Variants in CDON observed in about 807,000 individuals in gnomAD.
The protein encoded by CDON is cell adhesion molecule-related/down-regulated by oncogenes.
A neutral mutation model predicts 120.9 loss-of-function variants in CDON; 73 were observed. The observed-to-expected ratio is 0.60, with a 90% CI of 0.50 to 0.73. The LOEUF (loss-of-function observed/expected upper bound fraction) is 0.73. Ranked by LOEUF, CDON falls within the 30% of genes least tolerant of loss-of-function variation. The pLI is 0.00. For missense variants in CDON, 1,470 were observed against 1,587.3 expected (o/e 0.93, Z 1.26); for synonymous variants, 566 against 573.5 (o/e 0.99, Z 0.19).
intron 1 of CDON, among the ~76,000 whole-genome samples, chr11:126,040,244 A>G (rs1948219468): frequency 6.6e-6 from 1 of 152,186 alleles, no homozygotes; most frequent in South Asian, 2.1e-4. Context: ...TCTAAAAAAT[A>G]ACTTTTTAAA....
intron 10 of CDON, 64 bp from the exon 11 acceptor site, chr11:126,001,914 G>C: frequency 7.9e-7 from 1 of 1,265,182 alleles, no homozygotes; most frequent in East Asian, 2.3e-5. Context: ...GGAAAAAAAA[G>C]AGTACTGTGA....
chr11:126,051,146 G>A (rs1251233212), intron 1 of CDON, among the ~76,000 whole-genome samples: 2 of 152,090 alleles, frequency 1.3e-5, no homozygotes, highest in Non-Finnish European at 2.9e-5. Context: ...GAGATGTGGT[G>A]GCTGCTGCTC....
chr11:125,963,508 TAA>T, intron 18 of CDON, among the ~76,000 whole-genome samples: 1 of 152,290 alleles, frequency 6.6e-6, no homozygotes, highest in East Asian at 1.9e-4. Flanking sequence ...GAAAAATCAG[TAA>T]AAGTCTAATC....
intron 8 of CDON, 109 bp from the exon 9 acceptor site, chr11:126,006,166 C>A (rs1947124302): frequency 3.0e-6 from 3 of 999,424 alleles, no homozygotes. Flanking sequence ...CAATTTGAGC[C>A]CCAGAAGTTA....
intron 7 of CDON, among the ~76,000 whole-genome samples, chr11:126,011,607 T>C (rs1433636885): frequency 1.3e-5 from 2 of 152,236 alleles, no homozygotes; most frequent in African/African-American, 4.8e-5. Context: ...GTTCTCTGTA[T>C]ATACTAGATT....
intron 1 of CDON, among the ~76,000 whole-genome samples, chr11:126,061,711 A>G (rs1221479545): frequency 6.6e-6 from 1 of 152,206 alleles, no homozygotes; most frequent in African/African-American, 2.4e-5. Flanking sequence ...CTGTTTTTCA[A>G]GGTGTCTGGT....
rs555336512 is a variant in CDON, at chr11:125,978,346, G to A, written c.3314C>T (p.Pro1105Leu). The A allele has an allele frequency of 3.1e-6, 5 of 1,609,908 alleles. No homozygotes were observed. The African/African-American group carries it at 5.3e-5, about 17-fold the overall frequency. Residue 1105 changes from proline (P) to leucine (L), a missense_variant, in exon 18 of 20, where the codon CCT (proline) becomes CTT (leucine). Coordinates refer to ENST00000531738, the MANE Select transcript of CDON (RefSeq NM_001378964.1). ...ATTTCGGCAGTTAACACACTCCAGA[G>A]GGTCAATCTGAGGCACGGCCGTGTA... is the stretch of plus-strand genomic sequence containing the variant. ...GMYTAVPQID[P>L]LECVNCRNCR... is the part of the protein sequence containing the mutation.
intron 18 of CDON, among the ~76,000 whole-genome samples, chr11:125,966,962 T>C (rs892645534): frequency 1.6e-4 from 25 of 151,916 alleles, no homozygotes; most frequent in African/African-American, 5.3e-4. Context: ...CCTTCAGTCT[T>C]GTACTGTAAG....
intron 1 of CDON, among the ~76,000 whole-genome samples, chr11:126,026,672 C>T (rs867316496): frequency 2.4e-4 from 37 of 152,270 alleles, no homozygotes; most frequent in Middle Eastern, 3.4e-3. Flanking sequence ...TTGCTGACCT[C>T]CTTTAAAAAG....
chr11:126,017,119 TA>T lies in CDON; in HGVS notation c.896del (p.Val299GlufsTer4). On this transcript the variant is annotated frameshift_variant, in exon 6 of 20. Coordinates refer to ENST00000531738, the MANE Select transcript of CDON (RefSeq NM_001378964.1). LOFTEE classifies it high-confidence loss of function. ...SCMAGNKSGD[V>X]KYVTYMVNVL... ...CATTAACCATGTAAGTCACATATTT[TA>T]CATCTCCAGACTTGTTTCCCGCCAT... 1.2e-6 allele frequency: 2 copies of T among 1,614,198 alleles called. No homozygotes were observed. Among genetic ancestry groups the T allele is most frequent in the Non-Finnish European group, 1.7e-6 (2 of 1,180,016 alleles).
At chr11:125,981,963 C>CTTTTTTTTTTTTTTTTTTTTT (rs1565501813) in intron 16 of CDON, among the ~76,000 whole-genome samples, 1 of 34,134 alleles carries the variant, frequency 2.9e-5, no homozygotes, top group Admixed American at 3.6e-4. Context: ...AAAAGTGATT[C>CTTTTTTTTTTTTTTTTTTTTT]TATTTTCTTT....
chr11:126,057,693 A>G (rs1948712433), intron 1 of CDON, among the ~76,000 whole-genome samples: 1 of 152,228 alleles, frequency 6.6e-6, no homozygotes, highest in Admixed American at 6.5e-5. Context: ...CACTTGTGAT[A>G]TTACTATGTT....
chr11:126,005,746 G>A lies in CDON; in HGVS notation c.1851+13C>T, dbSNP rs772813650. ...GTGTGAGCCGAGAAAGATGATAAAC[G>A]ACAAGACATTACCTTTCGATACTTC... On this transcript the variant is annotated intron_variant, in intron 9 of 19. Coordinates refer to ENST00000531738, the MANE Select transcript of CDON (RefSeq NM_001378964.1). 1.2e-6 allele frequency: 2 copies of A among 1,611,238 alleles called. No homozygotes were observed. Among genetic ancestry groups the A allele is most frequent in the South Asian group, 1.1e-5 (1 of 90,890 alleles).
rs983422501 is a variant in CDON at position 126,001,506 on chromosome 11, C to T, written c.2158+213G>A. Among the ~76,000 whole-genome samples, 10 of 131,654 alleles carry T rather than the reference C, an allele frequency of 7.6e-5. No individual in the cohort carries two copies. In the Admixed American group the frequency reaches 7.8e-4, roughly 10 times the overall value. 86.4% of individuals were successfully genotyped at this position (131,654 alleles called of 152,430 possible). ...GAGTTCTAAAAACTTAGTACCAGAA[C>T]ATTTTGAGTCAGAGTTAATGAAGTT... is the stretch of plus-strand genomic sequence containing the variant. On this transcript the variant is annotated intron_variant, in intron 11 of 19. Coordinates refer to ENST00000531738, the MANE Select transcript of CDON (RefSeq NM_001378964.1).
Position 125,981,081 on chromosome 11 carries a change from C to T in CDON, c.3244G>A (p.Val1082Met), listed in dbSNP as rs753463208. ...AGATGATGAGGATGTTCAAAATCCA[C>T]GTGTGTCCTGGTTAGAGAGTTGCTG... ...GHSNSLTRTH[V>M]DFEHPHHLVN... Residue 1082 changes from valine to methionine, a missense_variant, in exon 17 of 20, where the codon GTG becomes ATG. By Grantham distance (21) the Val-to-Met change is conservative. Transcript: ENST00000531738. 2.4e-5 allele frequency: 38 copies of T among 1,614,004 alleles called. No individual in the cohort carries two copies. Among genetic ancestry groups the T allele is most frequent in the Admixed American group, 1.2e-4 (7 of 60,004 alleles).
intron 9 of CDON, 157 bp from the exon 10 acceptor site, chr11:126,004,233 A>C: frequency 2.7e-6 from 2 of 743,836 alleles, no homozygotes; most frequent in Non-Finnish European, 2.3e-6. Flanking sequence ...ACTTCTTCAT[A>C]TTAAGAAATA....
At chr11:126,058,278 G>A (rs1209208030) in intron 1 of CDON, among the ~76,000 whole-genome samples, 1 of 152,128 alleles carries the variant, frequency 6.6e-6, no homozygotes, top group African/African-American at 2.4e-5. Context: ...CAGATATACA[G>A]CAGAACAAAA....
intron 1 of CDON, among the ~76,000 whole-genome samples, chr11:126,036,943 C>T (rs565013209): frequency 2.0e-5 from 3 of 152,218 alleles, no homozygotes; most frequent in Non-Finnish European, 4.4e-5. Context: ...CTGCCTCAGC[C>T]GCCCAAAGTG....
At chr11:125,961,193 C>G in intron 19 of CDON, 88 bp from the exon 20 acceptor site, 1 of 1,220,048 alleles carries the variant, frequency 8.2e-7, no homozygotes, top group Non-Finnish European at 1.2e-6. Flanking sequence ...CACTTTGAGC[C>G]AAGAAGAAAG....
Sources: gnomAD v4.1 joint callset for allele counts (sites outside exome capture counted in the v4.1 genomes callset) on GRCh38, gnomAD v4.1.1 for gene constraint, MANE v1.5 for transcripts, NCBI Gene and HGNC (gene_info 2026-07-23, HGNC 2026-07-21) for gene names.